Variants in P2RY14 observed in about 807,000 individuals in gnomAD.
P2RY14 encodes the protein P2Y purinoceptor 14.
Under a neutral mutation model 0.9 loss-of-function variants are expected in P2RY14, and 2 were observed. The ratio of observed to expected loss-of-function variants is 2.16; its 90% confidence interval spans 0.88 to 6.79. The LOEUF (loss-of-function observed/expected upper bound fraction) is 6.79, where lower values mean the gene tolerates loss of function less well. Ranked by LOEUF, P2RY14 falls within the 30% of genes most tolerant of loss-of-function variation. The probability of loss-of-function intolerance (pLI) is 0.05; values close to 1 mark genes in which losing one functional copy is unlikely to be tolerated. For missense variants in P2RY14, 378 were observed against 400.1 expected, an observed-to-expected ratio of 0.94 and a Z score of 0.47; for synonymous variants, 158 against 147.2, an observed-to-expected ratio of 1.07 and a Z score of -0.53.
chr3:151,263,541 C>T (rs534585348), intron 1 of P2RY14, among the ~76,000 whole-genome samples: 1 of 152,240 alleles, frequency 6.6e-6, no homozygotes, highest in East Asian at 1.9e-4. Flanking sequence ...TCCAAAATAT[C>T]ATGAGCTTTA....
At chr3:151,238,293 C>G (rs1339344597) in intron 1 of P2RY14, among the ~76,000 whole-genome samples, 1 of 152,166 alleles carries the variant, frequency 6.6e-6, no homozygotes, top group Admixed American at 6.5e-5. Context: ...ACTACAGGCA[C>G]CTGCCACCTT....
chr3:151,257,431 A>G (rs1051703023), intron 1 of P2RY14, among the ~76,000 whole-genome samples: 8 of 152,222 alleles, frequency 5.3e-5, no homozygotes, highest in Admixed American at 1.3e-4. Flanking sequence ...TAGTTAGAAT[A>G]CCGGCTGAGT....
At chr3:151,271,272 G>A (rs2149555116) in intron 1 of P2RY14, among the ~76,000 whole-genome samples, 1 of 152,258 alleles carries the variant, frequency 6.6e-6, no homozygotes, top group East Asian at 1.9e-4. Context: ...AAGATTCTCA[G>A]CCTCACTTGT....
At chr3:151,277,426 A>T (rs1392088745) in intron 1 of P2RY14, among the ~76,000 whole-genome samples, 1 of 151,714 alleles carries the variant, frequency 6.6e-6, no homozygotes, top group Non-Finnish European at 1.5e-5. Context: ...GTTTTTTTTT[A>T]GTGCTAAAAC....
At chr3:151,272,775 A>T (rs1559966918) in intron 1 of P2RY14, among the ~76,000 whole-genome samples, 1 of 151,990 alleles carries the variant, frequency 6.6e-6, no homozygotes, top group Non-Finnish European at 1.5e-5. Flanking sequence ...AATGGCTATA[A>T]TGTTTTGACT....
At chr3:151,261,920 T>A (rs1738993547) in intron 1 of P2RY14, among the ~76,000 whole-genome samples, 1 of 151,954 alleles carries the variant, frequency 6.6e-6, no homozygotes, top group South Asian at 2.1e-4. Context: ...AGAGACGGGG[T>A]TTCACCACGT....
intron 1 of P2RY14, among the ~76,000 whole-genome samples, chr3:151,272,302 T>C (rs1741098279): frequency 6.6e-6 from 1 of 152,190 alleles, no homozygotes; most frequent in South Asian, 2.1e-4. Context: ...GAGGTCAAGA[T>C]AAAAATAAAA....
At chr3:151,240,033 C>T (rs543872534) in intron 1 of P2RY14, among the ~76,000 whole-genome samples, 4 of 59,734 alleles carry the variant, frequency 6.7e-5, no homozygotes, top group African/African-American at 3.7e-4. Context: ...ATGTCTTTCT[C>T]CCACCTTTTT....
In P2RY14 at chr3:151,270,047, TAAAG is replaced by T. The variant is rs1041777622; in HGVS notation, c.-133+8236_-133+8239del. On this transcript the variant is annotated intron_variant, in intron 1 of 2. Transcript: ENST00000309170. The stretch of plus-strand genomic sequence containing the variant: ...ATGAAGAAGGATGGGAAGATATTGA[TAAAG>T]AAAGGGGATAAGGATGAAGATGAAG... The T allele has an allele frequency of 1.1e-4, 25 of 222,716 alleles. No homozygotes were observed. The East Asian group carries it at 1.7e-3, about 15-fold the overall frequency. The allele number at this position is 222,716 out of a possible 1,614,324, so 13.8% of individuals were successfully genotyped here.
chr3:151,270,529 C>T (rs1740748228), intron 1 of P2RY14, among the ~76,000 whole-genome samples: 1 of 152,050 alleles, frequency 6.6e-6, no homozygotes, highest in African/African-American at 2.4e-5. Context: ...CGCTTTTCTT[C>T]CTTTCTCTGT....
chr3:151,222,191 A>C (rs1036588201), intron 1 of P2RY14, among the ~76,000 whole-genome samples: 1 of 152,216 alleles, frequency 6.6e-6, no homozygotes, highest in African/African-American at 2.4e-5. Context: ...GTATCTAGGA[A>C]GTAACTAACT....
chr3:151,240,248 G>GT (rs1052758541), intron 1 of P2RY14, among the ~76,000 whole-genome samples: 2 of 152,186 alleles, frequency 1.3e-5, no homozygotes, highest in African/African-American at 4.8e-5. Context: ...ACGACGCCCA[G>GT]TTTTTTGTGG....
chr3:151,217,930 G>A (rs1559891374), intron 2 of P2RY14, among the ~76,000 whole-genome samples: 1 of 152,160 alleles, frequency 6.6e-6, no homozygotes, highest in Non-Finnish European at 1.5e-5. Context: ...CTTAAGGCAA[G>A]TAAGACCAAA....
chr3:151,252,281 GC>G (rs945214048), intron 1 of P2RY14, among the ~76,000 whole-genome samples: 16 of 152,154 alleles, frequency 1.1e-4, no homozygotes, highest in Non-Finnish European at 2.2e-4. Flanking sequence ...CAGGAGTAGT[GC>G]TTAACTTGTT....
At chr3:151,242,074 A>G (rs1734240217) in intron 1 of P2RY14, among the ~76,000 whole-genome samples, 1 of 152,344 alleles carries the variant, frequency 6.6e-6, no homozygotes, top group South Asian at 2.1e-4. Flanking sequence ...ACGGGCTTAA[A>G]AAACGGGGCA....
intron 1 of P2RY14, among the ~76,000 whole-genome samples, chr3:151,249,686 C>A (rs185908120): frequency 2.0e-4 from 31 of 152,268 alleles, no homozygotes; most frequent in African/African-American, 7.0e-4. Context: ...GGTCTCCAAT[C>A]ATTCTTCGTA....
chr3:151,255,737 G>A (rs1737697914), intron 1 of P2RY14, among the ~76,000 whole-genome samples: 1 of 152,172 alleles, frequency 6.6e-6, no homozygotes, highest in Admixed American at 6.5e-5. Flanking sequence ...GACAAAGTCA[G>A]GATTAGATTA....
In P2RY14 at chr3:151,212,129, ATTTCT is replaced by A. The variant is rs1392477295; in HGVS notation, c.*1166_*1170del. The stretch of plus-strand genomic sequence containing the variant: ...AAGAAAAAATAGACAGTATTAAAAC[ATTTCT>A]TTATTAGTATATAGACAGTAAAGCA... On this transcript the variant is annotated 3_prime_UTR_variant, in exon 3 of 3. Transcript: ENST00000309170. 6.6e-6 allele frequency: 1 copy of A among 152,244 alleles called. No homozygotes were observed. Among genetic ancestry groups the A allele is most frequent in the African/African-American group, 2.4e-5 (1 of 41,464 alleles). The allele number at this position is 152,244 out of a possible 1,614,324, so 9.4% of individuals were successfully genotyped here.
intron 1 of P2RY14, among the ~76,000 whole-genome samples, chr3:151,253,102 G>A (rs530324759): frequency 4.3e-4 from 66 of 152,308 alleles, no homozygotes; most frequent in African/African-American, 1.6e-3. Context: ...TAAGGAAAAT[G>A]TATTAACAGA....
Sources: gnomAD v4.1 joint callset for allele counts (sites outside exome capture counted in the v4.1 genomes callset) on GRCh38, gnomAD v4.1.1 for gene constraint, MANE v1.5 for transcripts, NCBI Gene and HGNC (gene_info 2026-07-23, HGNC 2026-07-21) for gene names.